The following ARHGAP26 variants were observed in gnomAD, a reference collection of about 807,000 sequenced individuals.
ARHGAP26 encodes Rho GTPase activating protein 26.
A neutral mutation model predicts 104.8 loss-of-function variants in ARHGAP26; 38 were observed. That is an observed-to-expected ratio of 0.36 (90% CI 0.28 to 0.48). ARHGAP26 has a LOEUF of 0.48. ARHGAP26 is among the 20% of genes least tolerant of loss of function. The pLI is 0.99. For missense variants in ARHGAP26, 704 were observed against 947.9 expected (o/e 0.74, Z 3.38); for synonymous variants, 341 against 340.0 (o/e 1.00, Z -0.03).
At chr5:142,930,244 G>A (rs115736212) in intron 10 of ARHGAP26, among the ~76,000 whole-genome samples, 1 of 152,194 alleles carries the variant, frequency 6.6e-6, no homozygotes, top group Admixed American at 6.5e-5. Context: ...TTAGAGAAAG[G>A]TGGAAGGGTG....
At chr5:142,793,123 C>T (rs2151919150) in intron 1 of ARHGAP26, among the ~76,000 whole-genome samples, 1 of 152,194 alleles carries the variant, frequency 6.6e-6, no homozygotes, top group Non-Finnish European at 1.5e-5. Flanking sequence ...GTACATGGTG[C>T]ATGACCTGGA....
intron 22 of ARHGAP26, among the ~76,000 whole-genome samples, chr5:143,219,515 A>T (rs1464166673): frequency 6.6e-6 from 1 of 152,222 alleles, no homozygotes; most frequent in Non-Finnish European, 1.5e-5. Flanking sequence ...TGTGGAATGT[A>T]CTATGAGCAT....
intron 11 of ARHGAP26, among the ~76,000 whole-genome samples, chr5:142,946,009 G>C (rs923951789): frequency 1.3e-5 from 2 of 152,164 alleles, no homozygotes; most frequent in Admixed American, 1.3e-4. Context: ...CCAGATAGTT[G>C]AACATCAGGA....
chr5:142,998,462 C>G (rs1328689044), intron 11 of ARHGAP26, among the ~76,000 whole-genome samples: 1 of 152,188 alleles, frequency 6.6e-6, no homozygotes, highest in Non-Finnish European at 1.5e-5. Context: ...GGGGACCCTA[C>G]TGGGCTTAGT....
At chr5:143,100,961 C>T (rs1431434445) in intron 17 of ARHGAP26, among the ~76,000 whole-genome samples, 2 of 152,102 alleles carry the variant, frequency 1.3e-5, no homozygotes, top group East Asian at 3.9e-4. Flanking sequence ...AGTGTGGTGA[C>T]GTGTGCCTGT....
intron 17 of ARHGAP26, among the ~76,000 whole-genome samples, chr5:143,109,582 G>C (rs1313366950): frequency 6.6e-6 from 1 of 152,076 alleles, no homozygotes; most frequent in Non-Finnish European, 1.5e-5. Flanking sequence ...AGCTTCCCGA[G>C]TAGCTGGGAC....
chr5:143,142,548 G>T (rs752569366), intron 19 of ARHGAP26, among the ~76,000 whole-genome samples: 1 of 151,710 alleles, frequency 6.6e-6, no homozygotes, highest in Non-Finnish European at 1.5e-5. Flanking sequence ...AACATATTAC[G>T]CAGACTGCTT....
chr5:142,912,722 T>C (rs948868013), intron 9 of ARHGAP26, among the ~76,000 whole-genome samples: 6 of 152,196 alleles, frequency 3.9e-5, no homozygotes, highest in Non-Finnish European at 7.3e-5. Context: ...TCATCACCTA[T>C]ATCAATGCGC....
intron 11 of ARHGAP26, among the ~76,000 whole-genome samples, chr5:142,976,292 C>T (rs1037310765): frequency 1.3e-5 from 2 of 152,210 alleles, no homozygotes; most frequent in Non-Finnish European, 2.9e-5. Context: ...GAAAGCACCT[C>T]TCTAAAGGAA....
intron 12 of ARHGAP26, among the ~76,000 whole-genome samples, chr5:143,024,137 G>A (rs560053017): frequency 6.6e-6 from 1 of 152,300 alleles, no homozygotes; most frequent in East Asian, 1.9e-4. Flanking sequence ...CAGGGGGCTG[G>A]AGAGAGAAGA....
chr5:142,940,812 C>T (rs1254799955), intron 11 of ARHGAP26, among the ~76,000 whole-genome samples: 1 of 152,016 alleles, frequency 6.6e-6, no homozygotes, highest in South Asian at 2.1e-4. Context: ...TGCGGTGGCT[C>T]ATGCCTGTAA....
intron 4 of ARHGAP26, among the ~76,000 whole-genome samples, chr5:142,881,561 T>A (rs1757008880): frequency 1.3e-5 from 2 of 152,190 alleles, no homozygotes; most frequent in African/African-American, 4.8e-5. Flanking sequence ...ATTAAATAAC[T>A]TTTGGATGAT....
chr5:143,212,993 A>C (rs960110536), intron 21 of ARHGAP26, among the ~76,000 whole-genome samples: 3 of 152,108 alleles, frequency 2.0e-5, no homozygotes, highest in Admixed American at 6.5e-5. Flanking sequence ...AAAATACAAT[A>C]AATTAGCCAG....
At chr5:142,923,927 T>G (rs37190) in intron 10 of ARHGAP26, among the ~76,000 whole-genome samples, 10,693 of 137,308 alleles carry the variant, frequency 0.078, 606 homozygotes, top group East Asian at 0.31. Context: ...AGTGGCGCAA[T>G]CTCCGCTCAC....
intron 14 of ARHGAP26, among the ~76,000 whole-genome samples, chr5:143,049,388 CTT>C (rs1285330258): frequency 1.3e-5 from 2 of 152,042 alleles, no homozygotes; most frequent in African/African-American, 4.8e-5. Context: ...TTTCCAATGT[CTT>C]TATTATCTTT....
At chr5:143,012,548 C>CATATATATATATATATATAT (rs1414408846) in intron 11 of ARHGAP26, among the ~76,000 whole-genome samples, 292 of 23,208 alleles carry the variant, frequency 0.013, 20 homozygotes, top group Non-Finnish European at 0.023. Context: ...TATATACATA[C>CATATATATATATATATATAT]ATACATATAT....
intron 11 of ARHGAP26, among the ~76,000 whole-genome samples, chr5:142,986,786 C>G (rs547767159): frequency 2.0e-5 from 3 of 152,172 alleles, no homozygotes; most frequent in East Asian, 3.9e-4. Flanking sequence ...GCTTGTTTTT[C>G]TCAGGTTTGT....
intron 11 of ARHGAP26, among the ~76,000 whole-genome samples, chr5:142,938,227 A>G (rs895776027): frequency 7.2e-5 from 11 of 152,192 alleles, no homozygotes; most frequent in Non-Finnish European, 1.0e-4. Context: ...CTATTTTTAT[A>G]ATAGTATGAA....
intron 12 of ARHGAP26, among the ~76,000 whole-genome samples, chr5:143,036,479 C>T (rs1782662504): frequency 6.6e-6 from 1 of 152,196 alleles, no homozygotes; most frequent in African/African-American, 2.4e-5. Context: ...CTTCATGCTG[C>T]TTCCTTTGGT....
Sources: gnomAD v4.1 joint callset for allele counts (sites outside exome capture counted in the v4.1 genomes callset) on GRCh38, gnomAD v4.1.1 for gene constraint, MANE v1.5 for transcripts, NCBI Gene and HGNC (gene_info 2026-07-23, HGNC 2026-07-21) for gene names.